Variants in ADAMTS17 observed in about 807,000 individuals in gnomAD.
ADAMTS17 encodes the protein A disintegrin and metalloproteinase with thrombospondin motifs 17.
A neutral mutation model predicts 141.5 loss-of-function variants in ADAMTS17; 113 were observed. The observed-to-expected ratio is 0.80, with a 90% CI of 0.69 to 0.93. The LOEUF (loss-of-function observed/expected upper bound fraction) is 0.93, where lower values mean the gene tolerates loss of function less well. Among genes scored for constraint, ADAMTS17 ranks in the 40% least tolerant of loss-of-function variants. The probability of loss-of-function intolerance (pLI) is 0.00; values close to 1 mark genes in which losing one functional copy is unlikely to be tolerated. For missense variants in ADAMTS17, 1,659 were observed against 1,517.9 expected (o/e 1.09, Z -1.54); for synonymous variants, 768 against 630.6 (o/e 1.22, Z -3.27).
intron 12 of ADAMTS17, chr15:100,128,207 C>T (rs9672454): frequency 0.47 from 71,115 of 151,956 alleles, 17,528 homozygotes; most frequent in East Asian, 0.56. Flanking sequence ...CAAAGGGGAG[C>T]TGGTGGGACT....
rs2060737040 is a variant in ADAMTS17, at chr15:99,993,687, G to GGGAGAA, written c.2797-493_2797-488dup. On this transcript the variant is annotated intron_variant, in intron 19 of 21. Coordinates refer to ENST00000268070, the MANE Select transcript of ADAMTS17 (RefSeq NM_139057.4). This position sits in a 1 kb window ranked among gnomAD's most constrained non-coding sequence, Gnocchi z 4.3. ...CTGGGACAAACTCCTCGATCCAGCC[G>GGGAGAA]GGAGAAGGAGGAGGAGGCGGCAGAA... Among the ~76,000 whole-genome samples, 1 of 152,150 alleles carries GGGAGAA rather than the reference G, an allele frequency of 6.6e-6. No individual in the cohort carries two copies. Among genetic ancestry groups the GGGAGAA allele is most frequent in the Non-Finnish European group, 1.5e-5 (1 of 68,024 alleles).
intron 7 of ADAMTS17, among the ~76,000 whole-genome samples, chr15:100,220,350 C>T (rs1421034707): frequency 6.7e-6 from 1 of 149,938 alleles, no homozygotes; most frequent in Non-Finnish European, 1.5e-5. Context: ...ATATGCTTTT[C>T]TTGTCTTTGC....
At chr15:100,107,584 T>G (rs1260521515) in intron 14 of ADAMTS17, among the ~76,000 whole-genome samples, 1 of 151,912 alleles carries the variant, frequency 6.6e-6, no homozygotes, top group Non-Finnish European at 1.5e-5. Context: ...GGTGATGGTG[T>G]TAGGAGGTGG....
chr15:100,341,720 C>G, intron 1 of ADAMTS17, 101 bp downstream of exon 1: 1 of 1,406,786 alleles, frequency 7.1e-7, no homozygotes, highest in Non-Finnish European at 9.4e-7. Context: ...GCGCCGTCAG[C>G]GGTCCCGCCG....
Position 99,973,225 on chromosome 15 carries a change from G to T in ADAMTS17, c.*1177C>A, listed in dbSNP as rs1333141572. ...CAAGAAGATGGGTCAATGATGACAG[G>T]CGTGATGATAATGGGTACCACAAAG... On this transcript the variant is annotated 3_prime_UTR_variant, in exon 22 of 22. Transcript: ENST00000268070. 3 of 152,216 alleles carry T rather than the reference G, an allele frequency of 2.0e-5. No homozygotes were observed. Among genetic ancestry groups the T allele is most frequent in the Middle Eastern group, 3.4e-3 (1 of 294 alleles). The allele number at this position is 152,216 out of a possible 1,614,324, so 9.4% of individuals were successfully genotyped here.
At chr15:100,265,430 C>A (rs1457311762) in intron 4 of ADAMTS17, among the ~76,000 whole-genome samples, 2 of 152,208 alleles carry the variant, frequency 1.3e-5, no homozygotes, top group Non-Finnish European at 2.9e-5. Flanking sequence ...ATTCCGTCTC[C>A]GGCGTCCAGC....
chr15:100,301,092 C>T (rs1318960710), intron 3 of ADAMTS17, among the ~76,000 whole-genome samples: 1 of 152,150 alleles, frequency 6.6e-6, no homozygotes, highest in Non-Finnish European at 1.5e-5. Flanking sequence ...TAAAAGAATA[C>T]TAGACTTTTG....
intron 8 of ADAMTS17, among the ~76,000 whole-genome samples, chr15:100,156,287 T>A (rs1291108996): frequency 6.6e-6 from 1 of 152,220 alleles, no homozygotes; most frequent in Non-Finnish European, 1.5e-5. Flanking sequence ...TCAGCAACCC[T>A]GCTTGTTGCC....
At chr15:100,065,028 G>A (rs901084420) in intron 15 of ADAMTS17, among the ~76,000 whole-genome samples, 29 of 152,096 alleles carry the variant, frequency 1.9e-4, no homozygotes, top group African/African-American at 6.3e-4. Context: ...GGAAATCATG[G>A]AAATACCTAT....
At chr15:100,177,785 T>A (rs138800730) in intron 8 of ADAMTS17, among the ~76,000 whole-genome samples, 2 of 152,324 alleles carry the variant, frequency 1.3e-5, no homozygotes, top group African/African-American at 4.8e-5. Context: ...AATTGTGGAT[T>A]CATCTACTTT....
At chr15:100,206,116 G>A (rs886222400) in intron 7 of ADAMTS17, among the ~76,000 whole-genome samples, 16 of 152,342 alleles carry the variant, frequency 1.1e-4, no homozygotes, top group Middle Eastern at 3.4e-3. Flanking sequence ...GAGCAACGGC[G>A]GGCGGCACCG....
intron 10 of ADAMTS17, among the ~76,000 whole-genome samples, chr15:100,142,423 G>C (rs1030584589): frequency 6.6e-6 from 1 of 152,192 alleles, no homozygotes; most frequent in Non-Finnish European, 1.5e-5. Context: ...GATATGGGAA[G>C]GGACAGGCCC....
intron 3 of ADAMTS17, among the ~76,000 whole-genome samples, chr15:100,292,635 CCCA>C (rs778226124): frequency 5.7e-4 from 86 of 152,182 alleles, no homozygotes; most frequent in Non-Finnish European, 9.7e-4. Flanking sequence ...CACAGAACTG[CCCA>C]CCAAGCACTG....
At chr15:100,156,040 T>A (rs2039420226) in intron 8 of ADAMTS17, among the ~76,000 whole-genome samples, 1 of 152,186 alleles carries the variant, frequency 6.6e-6, no homozygotes, top group Non-Finnish European at 1.5e-5. Flanking sequence ...AGGATGACCA[T>A]CTTTCAACAA....
At chr15:100,155,694 T>C (rs78905709) in intron 8 of ADAMTS17, among the ~76,000 whole-genome samples, 332 of 152,390 alleles carry the variant, frequency 2.2e-3, no homozygotes, top group African/African-American at 7.7e-3. Flanking sequence ...GGTGTTTCTG[T>C]TCCTTAGAGA....
intron 10 of ADAMTS17, among the ~76,000 whole-genome samples, chr15:100,143,209 C>A (rs1480954): frequency 7.2e-5 from 11 of 152,104 alleles, no homozygotes; most frequent in Admixed American, 6.5e-4. Flanking sequence ...CAGGACAGGA[C>A]CCTAACTGCA....
intron 3 of ADAMTS17, among the ~76,000 whole-genome samples, chr15:100,319,392 G>A (rs1037381905): frequency 1.3e-5 from 2 of 152,190 alleles, no homozygotes; most frequent in African/African-American, 2.4e-5. Context: ...ACATGTGAAA[G>A]GGAGTGTGAG....
chr15:100,224,350 G>A (rs1380903737), intron 7 of ADAMTS17, among the ~76,000 whole-genome samples: 8 of 152,260 alleles, frequency 5.3e-5, no homozygotes, highest in African/African-American at 1.7e-4. Context: ...GGGAGGGAGA[G>A]GGAACAGGAT....
At chr15:100,254,247 G>A in intron 6 of ADAMTS17, 68 bp from the exon 7 acceptor site, 15 of 1,402,354 alleles carry the variant, frequency 1.1e-5, no homozygotes, top group Non-Finnish European at 1.5e-5. Context: ...AAAACACTGT[G>A]AATTAACCTC....
Sources: allele counts gnomAD v4.1 joint callset (sites outside exome capture counted in the v4.1 genomes callset), GRCh38; gene constraint gnomAD v4.1.1; non-coding constraint Gnocchi (gnomAD v3.1); transcripts MANE v1.5; gene names NCBI Gene and HGNC (gene_info 2026-07-23, HGNC 2026-07-21).